The following PLXDC2 variants were observed in gnomAD, a reference collection of about 807,000 sequenced individuals.
PLXDC2 encodes the protein plexin domain-containing protein 2.
In PLXDC2, 40 loss-of-function variants were observed where a neutral mutation model predicts 68.9. The ratio of observed to expected loss-of-function variants is 0.58; its 90% CI spans 0.45 to 0.76. PLXDC2 has a LOEUF of 0.76. Ranked by LOEUF, PLXDC2 falls within the 30% of genes least tolerant of loss-of-function variation. The pLI is 0.00. For missense variants in PLXDC2, 644 were observed against 661.9 expected (o/e 0.97, Z 0.30); for synonymous variants, 243 against 234.2 (o/e 1.04, Z -0.34).
chr10:19,908,779 C>T (rs1833215899), intron 1 of PLXDC2, among the ~76,000 whole-genome samples: 1 of 152,062 alleles, frequency 6.6e-6, no homozygotes. Flanking sequence ...CTTGAGACTA[C>T]ATCAGGATAC....
chr10:19,931,877 T>G (rs1382510800), intron 1 of PLXDC2, among the ~76,000 whole-genome samples: 1 of 152,056 alleles, frequency 6.6e-6, no homozygotes, highest in Non-Finnish European at 1.5e-5. Context: ...TTATTGGAGC[T>G]TCAAGGATGA....
intron 4 of PLXDC2, among the ~76,000 whole-genome samples, chr10:20,123,083 G>T (rs953374427): frequency 5.9e-5 from 9 of 152,140 alleles, no homozygotes; most frequent in Non-Finnish European, 7.3e-5. Context: ...CTGGGCAGGT[G>T]GGGGAGGGCT....
intron 1 of PLXDC2, among the ~76,000 whole-genome samples, chr10:19,845,239 C>T (rs1311632562): frequency 2.6e-5 from 4 of 152,156 alleles, no homozygotes; most frequent in African/African-American, 7.2e-5. Context: ...CCAGTGTGCT[C>T]ATAAATTGTA....
At chr10:19,950,753 G>T (rs1397532169) in intron 1 of PLXDC2, among the ~76,000 whole-genome samples, 1 of 152,014 alleles carries the variant, frequency 6.6e-6, no homozygotes, top group Non-Finnish European at 1.5e-5. Context: ...TTCAAACATA[G>T]TATACGGCTA....
intron 1 of PLXDC2, among the ~76,000 whole-genome samples, chr10:19,932,299 C>A (rs1833650731): frequency 6.6e-6 from 1 of 152,094 alleles, no homozygotes; most frequent in South Asian, 2.1e-4. Context: ...TCTCCACAAT[C>A]CCTCCACTTT....
chr10:20,164,441 AT>A, intron 6 of PLXDC2, 26 bp from the exon 7 acceptor site: 4 of 1,550,246 alleles, frequency 2.6e-6, no homozygotes, highest in Non-Finnish European at 3.6e-6. Context: ...GATCTAACAT[AT>A]AGTTACCTGC....
chr10:19,923,855 C>T (rs1306737374), intron 1 of PLXDC2, among the ~76,000 whole-genome samples: 2 of 152,218 alleles, frequency 1.3e-5, no homozygotes, highest in African/African-American at 2.4e-5. Context: ...CTTGAGCCCA[C>T]GAGTTCAAGA....
chr10:19,995,468 C>T (rs1056360969), intron 1 of PLXDC2, among the ~76,000 whole-genome samples: 1 of 152,192 alleles, frequency 6.6e-6, no homozygotes, highest in African/African-American at 2.4e-5. Flanking sequence ...GTGGGCTAGT[C>T]ATGTAAACTA....
chr10:19,821,158 C>T (rs1836460136), intron 1 of PLXDC2, among the ~76,000 whole-genome samples: 1 of 152,190 alleles, frequency 6.6e-6, no homozygotes, highest in Non-Finnish European at 1.5e-5. Flanking sequence ...CACATTAATA[C>T]AGTCTCTTCT....
intron 4 of PLXDC2, among the ~76,000 whole-genome samples, chr10:20,092,240 T>G (rs965427219): frequency 1.3e-5 from 2 of 152,180 alleles, no homozygotes; most frequent in African/African-American, 4.8e-5. Flanking sequence ...CTTAAACTGA[T>G]CATATGATTT....
rs1476650473 is a variant in PLXDC2 at position 20,286,942 on chromosome 10, C to G, written c.*7123C>G. On this transcript the variant is annotated 3_prime_UTR_variant, in exon 14 of 14. Transcript: ENST00000377252. ...TTTCTCCATGCTGGTCAGGCTGGTC[C>G]CCAGCTCCCGACCTCAGGTGATCCG... 6.6e-6 allele frequency: 1 copy of G among 152,106 alleles called. No individual in the cohort carries two copies. The highest frequency in any genetic ancestry group is 1.5e-5 in the Non-Finnish European group (1 of 68,090). The allele number at this position is 152,106 out of a possible 1,614,324, so 9.4% of individuals were successfully genotyped here.
chr10:20,064,280 G>C (rs1836157680), intron 3 of PLXDC2, among the ~76,000 whole-genome samples: 1 of 150,658 alleles, frequency 6.6e-6, no homozygotes, highest in Admixed American at 6.6e-5. Context: ...GAGTGCAGTG[G>C]TGTGATCTTG....
chr10:20,168,531 G>C (rs1834404371), intron 7 of PLXDC2, among the ~76,000 whole-genome samples: 1 of 152,174 alleles, frequency 6.6e-6, no homozygotes, highest in Non-Finnish European at 1.5e-5. Context: ...CTATGTTGAT[G>C]TGTGTTGTTT....
chr10:20,071,903 C>T (rs1306666791), intron 4 of PLXDC2, among the ~76,000 whole-genome samples: 1 of 152,044 alleles, frequency 6.6e-6, no homozygotes, highest in African/African-American at 2.4e-5. Context: ...AAGAGGCATT[C>T]CAGACAAGGG....
At chr10:20,259,298 A>T (rs1835781878) in intron 13 of PLXDC2, among the ~76,000 whole-genome samples, 1 of 152,198 alleles carries the variant, frequency 6.6e-6, no homozygotes, top group South Asian at 2.1e-4. Flanking sequence ...GAAAGATTTT[A>T]TGGTAATGAG....
chr10:20,164,911 G>T (rs886262011), intron 7 of PLXDC2, among the ~76,000 whole-genome samples: 1 of 152,108 alleles, frequency 6.6e-6, no homozygotes, highest in African/African-American at 2.4e-5. Context: ...GACCTCCCAG[G>T]CTCAAATGAT....
At chr10:20,152,226 G>A (rs1261378285) in intron 6 of PLXDC2, among the ~76,000 whole-genome samples, 2 of 152,058 alleles carry the variant, frequency 1.3e-5, no homozygotes, top group Non-Finnish European at 2.9e-5. Context: ...TAACAATCTT[G>A]CTTATAGTGG....
intron 1 of PLXDC2, among the ~76,000 whole-genome samples, chr10:19,819,903 G>A (rs756962732): frequency 1.1e-4 from 17 of 152,196 alleles, no homozygotes; most frequent in Non-Finnish European, 2.1e-4. Context: ...TATAATAGAG[G>A]GGTTAATTCA....
At chr10:19,855,341 G>A (rs1162033032) in intron 1 of PLXDC2, among the ~76,000 whole-genome samples, 3 of 152,040 alleles carry the variant, frequency 2.0e-5, no homozygotes, top group Admixed American at 1.3e-4. Context: ...TGAAATGGAG[G>A]TTTTTTCACT....
Sources: allele counts gnomAD v4.1 joint callset (sites outside exome capture counted in the v4.1 genomes callset), GRCh38; gene constraint gnomAD v4.1.1; transcripts MANE v1.5; gene names NCBI Gene and HGNC (gene_info 2026-07-23, HGNC 2026-07-21).